The following CADM2 variants were observed in gnomAD, a reference collection of about 807,000 sequenced individuals.
The protein encoded by CADM2 is cell adhesion molecule 2.
In CADM2, 12 loss-of-function variants were observed where a neutral mutation model predicts 49.8. The ratio of observed to expected loss-of-function variants is 0.24; its 90% CI spans 0.15 to 0.39. The LOEUF (loss-of-function observed/expected upper bound fraction) is 0.39, where lower values mean the gene tolerates loss of function less well. Among genes scored for constraint, CADM2 ranks in the 10% least tolerant of loss-of-function variants. The pLI is 1.00. For missense variants in CADM2, 378 were observed against 492.3 expected (o/e 0.77, Z 2.20); for synonymous variants, 214 against 175.4 (o/e 1.22, Z -1.74).
At chr3:85,596,158 T>A (rs2063233775) in intron 1 of CADM2, among the ~76,000 whole-genome samples, 1 of 151,832 alleles carries the variant, frequency 6.6e-6, no homozygotes, top group Non-Finnish European at 1.5e-5. Context: ...TTTATTTATA[T>A]ATTTTATTTT....
rs572461710 is a variant in CADM2, at chr3:85,188,400, T to C, written c.61+228732T>C. On this transcript the variant is annotated intron_variant, in intron 1 of 9. Transcript: ENST00000383699. ...TGGGCTCTTGTTCCCATGTAGGTAC[T>C]CAAAAAGTATTTGACACAAAATTCA... Among the ~76,000 whole-genome samples, 4 of 152,262 alleles carry C rather than the reference T, an allele frequency of 2.6e-5. No individual in the cohort carries two copies. The South Asian group carries it at 8.3e-4, about 32-fold the overall frequency.
intron 1 of CADM2, among the ~76,000 whole-genome samples, chr3:85,484,623 T>C (rs1039590888): frequency 6.6e-6 from 1 of 151,980 alleles, no homozygotes; most frequent in Non-Finnish European, 1.5e-5. Flanking sequence ...TCAAGTCAAA[T>C]GACTGTTTCT....
intron 1 of CADM2, among the ~76,000 whole-genome samples, chr3:85,380,818 A>G (rs2033860343): frequency 6.6e-6 from 1 of 151,994 alleles, no homozygotes; most frequent in African/African-American, 2.4e-5. Context: ...GATCACAGTA[A>G]AATCATAAGG....
intron 2 of CADM2, among the ~76,000 whole-genome samples, chr3:85,744,056 A>G (rs2068509856): frequency 6.6e-6 from 1 of 152,174 alleles, no homozygotes; most frequent in African/African-American, 2.4e-5. Flanking sequence ...TAGCAAGATG[A>G]GTAGACATTC....
At chr3:85,238,789 A>G (rs538595430) in intron 1 of CADM2, among the ~76,000 whole-genome samples, 79 of 152,054 alleles carry the variant, frequency 5.2e-4, no homozygotes, top group Non-Finnish European at 9.0e-4. Flanking sequence ...AATACAATTT[A>G]CTTTGCAGAA....
At chr3:85,293,018 A>C (rs2043846114) in intron 1 of CADM2, among the ~76,000 whole-genome samples, 1 of 152,216 alleles carries the variant, frequency 6.6e-6, no homozygotes, top group Admixed American at 6.5e-5. Context: ...TTTTGAAAGG[A>C]TCAACAAAAT....
intron 1 of CADM2, among the ~76,000 whole-genome samples, chr3:85,633,012 T>G (rs1387469399): frequency 6.6e-6 from 1 of 152,026 alleles, no homozygotes; most frequent in Non-Finnish European, 1.5e-5. Flanking sequence ...GAAAACCTAG[T>G]ATAGAACCTT....
intron 1 of CADM2, among the ~76,000 whole-genome samples, chr3:85,520,124 G>C: frequency 6.6e-6 from 1 of 151,830 alleles, no homozygotes; most frequent in East Asian, 1.9e-4. Context: ...GTTTATGATT[G>C]ATTAAAGGAC....
intron 8 of CADM2, among the ~76,000 whole-genome samples, chr3:86,056,180 G>C (rs1476444078): frequency 2.0e-5 from 3 of 152,146 alleles, no homozygotes; most frequent in Non-Finnish European, 4.4e-5. Flanking sequence ...AGTGGGAAAG[G>C]AGGTGAAGCG....
intron 2 of CADM2, among the ~76,000 whole-genome samples, chr3:85,746,637 T>C (rs1041600924): frequency 3.3e-5 from 5 of 152,138 alleles, no homozygotes; most frequent in Non-Finnish European, 1.5e-5. Context: ...TCTCTTTCTC[T>C]ACACTTAATG....
intron 1 of CADM2, among the ~76,000 whole-genome samples, chr3:85,628,641 A>G (rs1308299397): frequency 9.0e-6 from 1 of 111,412 alleles, no homozygotes; most frequent in African/African-American, 3.5e-5. Flanking sequence ...ATATATACAT[A>G]TATACACACA....
chr3:86,009,883 C>T (rs914821750), intron 8 of CADM2, among the ~76,000 whole-genome samples: 1 of 151,706 alleles, frequency 6.6e-6, no homozygotes, highest in Non-Finnish European at 1.5e-5. Flanking sequence ...TATCTAATAA[C>T]AAATGCATTA....
intron 1 of CADM2, among the ~76,000 whole-genome samples, chr3:85,679,121 A>T (rs1559588200): frequency 6.6e-6 from 1 of 152,198 alleles, no homozygotes; most frequent in Non-Finnish European, 1.5e-5. Flanking sequence ...AATATATAGT[A>T]TTAAATATGA....
chr3:85,245,594 C>G (rs912173362), intron 1 of CADM2, among the ~76,000 whole-genome samples: 1 of 151,976 alleles, frequency 6.6e-6, no homozygotes, highest in Non-Finnish European at 1.5e-5. Flanking sequence ...ACCACCCTTA[C>G]ATACGTGTGC....
At chr3:85,499,319 T>A (rs1272658586) in intron 1 of CADM2, among the ~76,000 whole-genome samples, 1 of 152,072 alleles carries the variant, frequency 6.6e-6, no homozygotes, top group Admixed American at 6.6e-5. Flanking sequence ...TCATCATGAC[T>A]TTTGGTTTGT....
At chr3:85,039,205 T>A (rs2035340986) in intron 1 of CADM2, among the ~76,000 whole-genome samples, 1 of 152,134 alleles carries the variant, frequency 6.6e-6, no homozygotes, top group African/African-American at 2.4e-5. Context: ...TTCTCCATGT[T>A]GGTCAGGCTG....
intron 1 of CADM2, among the ~76,000 whole-genome samples, chr3:85,491,807 C>A (rs1487763535): frequency 6.6e-6 from 1 of 151,896 alleles, no homozygotes; most frequent in Non-Finnish European, 1.5e-5. Context: ...AAAAAAATAG[C>A]CGGGTGTGGT....
chr3:85,808,166 C>A (rs557514146), intron 3 of CADM2, among the ~76,000 whole-genome samples: 66 of 152,244 alleles, frequency 4.3e-4, no homozygotes, highest in Admixed American at 7.9e-4. Flanking sequence ...AGTATGAAGT[C>A]TTTTTCTATA....
At chr3:85,674,210 C>G (rs558355498) in intron 1 of CADM2, among the ~76,000 whole-genome samples, 1 of 152,176 alleles carries the variant, frequency 6.6e-6, no homozygotes, top group Non-Finnish European at 1.5e-5. Context: ...CACATATAAA[C>G]TTGAAATAAA....
Sources: gnomAD v4.1 joint callset for allele counts (sites outside exome capture counted in the v4.1 genomes callset) on GRCh38, gnomAD v4.1.1 for gene constraint, MANE v1.5 for transcripts, NCBI Gene and HGNC (gene_info 2026-07-23, HGNC 2026-07-21) for gene names.